The following FAM227A variants were observed in gnomAD, a reference collection of about 807,000 sequenced individuals.
FAM227A encodes family with sequence similarity 227 member A, also known as protein FAM227A.
FAM227A carries 80 observed loss-of-function variants against 74.7 expected under a neutral mutation model. That is an observed-to-expected ratio of 1.07 (90% CI 0.89 to 1.29). The LOEUF is 1.29. Among genes scored for constraint, FAM227A ranks in the 50% most tolerant of loss-of-function variants. The pLI is 0.00. For synonymous variants in FAM227A, 237 were observed against 241.8 expected, an observed-to-expected ratio of 0.98 and a Z score of 0.19; for missense variants, 654 against 683.4, an observed-to-expected ratio of 0.96 and a Z score of 0.48.
At chr22:38,595,970 A>AGGG (rs5845387) in intron 15 of FAM227A, among the ~76,000 whole-genome samples, 76 of 144,804 alleles carry the variant, frequency 5.2e-4, no homozygotes, top group African/African-American at 1.9e-3. Context: ...ACAACTAATA[A>AGGG]GGGGGGGGGG....
intron 16 of FAM227A, among the ~76,000 whole-genome samples, chr22:38,586,432 C>T (rs2146111064): frequency 6.6e-6 from 1 of 152,178 alleles, no homozygotes; most frequent in South Asian, 2.1e-4. Context: ...AGGAACACTG[C>T]TGTGTCGGAT....
chr22:38,614,551 G>A (rs373254298), intron 11 of FAM227A, among the ~76,000 whole-genome samples: 1 of 152,114 alleles, frequency 6.6e-6, no homozygotes, highest in African/African-American at 2.4e-5. Flanking sequence ...TGCATATTTT[G>A]AACACAGCCA....
intron 16 of FAM227A, among the ~76,000 whole-genome samples, chr22:38,587,256 AAGG>A (rs1301918117): frequency 1.3e-5 from 2 of 152,180 alleles, no homozygotes; most frequent in Non-Finnish European, 2.9e-5. Context: ...TGGTAGAAGG[AAGG>A]AGATTAAGAT....
chr22:38,613,310 A>ATCATATAATATATATC (rs1327604346), intron 11 of FAM227A, among the ~76,000 whole-genome samples: 4 of 43,986 alleles, frequency 9.1e-5, no homozygotes, highest in African/African-American at 2.1e-4. Context: ...TATAATATAT[A>ATCATATAATATATATC]ACATATAATA....
intron 15 of FAM227A, among the ~76,000 whole-genome samples, chr22:38,593,533 G>T (rs925611235): frequency 6.6e-6 from 1 of 151,982 alleles, no homozygotes; most frequent in Admixed American, 6.6e-5. Context: ...AACAAAAAAA[G>T]AATAAATAAA....
intron 2 of FAM227A, among the ~76,000 whole-genome samples, chr22:38,649,014 C>CT (rs1158722712): frequency 5.9e-5 from 9 of 151,650 alleles, no homozygotes; most frequent in Middle Eastern, 3.2e-3. Flanking sequence ...GCTCATCTGT[C>CT]TGAGGGTGGA....
At chr22:38,591,171 A>T (rs1232725307) in intron 16 of FAM227A, among the ~76,000 whole-genome samples, 1 of 152,098 alleles carries the variant, frequency 6.6e-6, no homozygotes. Flanking sequence ...ACAAAAATAA[A>T]AAATGAGCTG....
intron 5 of FAM227A, 102 bp downstream of exon 5, chr22:38,638,644 A>G: frequency 1.2e-6 from 1 of 840,582 alleles, no homozygotes; most frequent in Non-Finnish European, 1.9e-6. Context: ...TTCCTTCATA[A>G]TCACTACCCA....
At chr22:38,591,387 G>T in intron 16 of FAM227A, 48 bp downstream of exon 16, 1 of 1,538,882 alleles carries the variant, frequency 6.5e-7, no homozygotes, top group South Asian at 1.2e-5. Flanking sequence ...CTTTCCCATG[G>T]TTTTTGTTCG....
Position 38,581,667 on chromosome 22 carries a change from G to C in FAM227A, c.*4458C>G, listed in dbSNP as rs1218503885. ...TTGGTCAGGCTGGTCTCAAACTACT[G>C]GTCTCAGGCAATCCACCCGCCTCGG... On this transcript the variant is annotated 3_prime_UTR_variant, in exon 17 of 17. Coordinates refer to ENST00000535113, the MANE Select transcript of FAM227A (RefSeq NM_001013647.2). 6.6e-6 allele frequency: 1 copy of C among 151,866 alleles called. No individual in the cohort carries two copies. The highest frequency in any genetic ancestry group is 2.4e-5 in the African/African-American group (1 of 41,236). The allele number at this position is 151,866 out of a possible 1,614,324, so 9.4% of individuals were successfully genotyped here.
At chr22:38,591,603 C>A in intron 15 of FAM227A, 63 bp from the exon 16 acceptor site, 1 of 1,155,498 alleles carries the variant, frequency 8.7e-7, no homozygotes, top group South Asian at 1.7e-5. Context: ...CCTCAATGTT[C>A]TGTATGTCCT....
chr22:38,613,983 A>C (rs2091522641), intron 11 of FAM227A, among the ~76,000 whole-genome samples: 1 of 152,180 alleles, frequency 6.6e-6, no homozygotes. Flanking sequence ...GAGATGCCTC[A>C]GTCCCCCAAG....
At chr22:38,610,234 A>C (rs1162537560) in intron 11 of FAM227A, among the ~76,000 whole-genome samples, 2 of 152,108 alleles carry the variant, frequency 1.3e-5, no homozygotes. Context: ...CATGTTGCCC[A>C]GGCTGGTCTC....
intron 6 of FAM227A, among the ~76,000 whole-genome samples, chr22:38,629,658 G>C (rs2091878430): frequency 6.6e-6 from 1 of 152,118 alleles, no homozygotes; most frequent in Non-Finnish European, 1.5e-5. Context: ...TCACACACAG[G>C]TGCCTCTCCT....
chr22:38,597,286 G>C lies in FAM227A; in HGVS notation c.1450C>G (p.Leu484Val). The C allele has an allele frequency of 6.4e-7, 1 of 1,551,862 alleles. No homozygotes were observed. Among genetic ancestry groups the C allele is most frequent in the Non-Finnish European group, 8.7e-7 (1 of 1,146,860 alleles). ...LCSMKKRKDN[L>V]NQLYQHHWTE... The stretch of plus-strand genomic sequence containing the variant: ...CAATGATGCTGGTACAACTGATTGA[G>C]GTTGTCTTTCCGCTTCTTCATGCTG... Residue 484 changes from leucine (L) to valine (V), a missense_variant, in exon 15 of 17, where the codon CTC (leucine) becomes GTC (valine). By Grantham distance (32) the Leu-to-Val change is conservative (BLOSUM62 1). Coordinates refer to ENST00000535113, the MANE Select transcript of FAM227A (RefSeq NM_001013647.2).
chr22:38,641,974 T>TGTGCGC (rs1555973176), intron 3 of FAM227A, among the ~76,000 whole-genome samples: 42 of 146,116 alleles, frequency 2.9e-4, no homozygotes, highest in Middle Eastern at 3.4e-3. Context: ...TGTGTGTGTG[T>TGTGCGC]GCGCACGTGT....
chr22:38,647,630 T>C (rs1166932008), intron 2 of FAM227A, among the ~76,000 whole-genome samples: 1 of 152,144 alleles, frequency 6.6e-6, no homozygotes, highest in Middle Eastern at 3.2e-3. Context: ...TGTTCAGTTC[T>C]ATGGCCCCTC....
intron 11 of FAM227A, among the ~76,000 whole-genome samples, chr22:38,609,341 T>C (rs2091360543): frequency 6.6e-6 from 1 of 151,902 alleles, no homozygotes; most frequent in African/African-American, 2.4e-5. Flanking sequence ...CAGCAAAAAA[T>C]TGGAGGTTTT....
chr22:38,616,283 C>T (rs563417832), intron 11 of FAM227A, among the ~76,000 whole-genome samples: 4 of 152,320 alleles, frequency 2.6e-5, no homozygotes, highest in South Asian at 2.1e-4. Context: ...GGGGTCCCCG[C>T]GCTGTTGGCA....
Sources: allele counts gnomAD v4.1 joint callset (sites outside exome capture counted in the v4.1 genomes callset), GRCh38; gene constraint gnomAD v4.1.1; transcripts MANE v1.5; gene names NCBI Gene and HGNC (gene_info 2026-07-23, HGNC 2026-07-21).